The following DDX50 variants were observed in gnomAD, a reference collection of about 807,000 sequenced individuals.
DDX50 encodes the protein DExD-box helicase 50, also known as ATP-dependent RNA helicase DDX50.
Under a neutral mutation model 94.8 loss-of-function variants are expected in DDX50, and 56 were observed. The observed-to-expected ratio is 0.59, with a 90% CI of 0.48 to 0.74. DDX50 has a LOEUF of 0.74. Among genes scored for constraint, DDX50 ranks in the 30% least tolerant of loss-of-function variants. The probability of loss-of-function intolerance (pLI) is 0.00; values close to 1 mark genes in which losing one functional copy is unlikely to be tolerated. For missense variants in DDX50, 713 were observed against 881.2 expected, an observed-to-expected ratio of 0.81 and a Z score of 2.42; for synonymous variants, 264 against 295.4, an observed-to-expected ratio of 0.89 and a Z score of 1.09.
chr10:68,934,191 T>G lies in DDX50; in HGVS notation c.1240-8T>G, dbSNP rs1842346617. On this transcript the variant is annotated splice_polypyrimidine_tract_variant and splice_region_variant and intron_variant, in intron 8 of 14. Transcript: ENST00000373585. The surrounding 1 kb of genome is among the most constrained non-coding windows in gnomAD (Gnocchi z 4.0). The stretch of plus-strand genomic sequence containing the variant: ...GTACACTTAATTTTCTCCCCCTTTC[T>G]CAAATAGAATGCCCAGTGTTTACAT... The G allele has an allele frequency of 6.2e-7, 1 of 1,608,592 alleles. No individual in the cohort carries two copies.
At chr10:68,924,287 A>G (rs774909170) in intron 8 of DDX50, among the ~76,000 whole-genome samples, 6 of 151,002 alleles carry the variant, frequency 4.0e-5, no homozygotes, top group Non-Finnish European at 5.9e-5. Context: ...TTTTTTTTTT[A>G]AGAGACAGGG....
chr10:68,935,811 G>A (rs1358340602), intron 10 of DDX50, among the ~76,000 whole-genome samples, 195 bp from the exon 11 acceptor site: 1 of 151,858 alleles, frequency 6.6e-6, no homozygotes, highest in Non-Finnish European at 1.5e-5. Flanking sequence ...CTCCAGCCTG[G>A]GCAACAGAGC....
At position 68,930,114 on chromosome 10, in the gene DDX50, C is replaced by CTT. The variant is rs34023657; in HGVS notation, c.1240-4064_1240-4063dup. 6.3e-3 allele frequency among the ~76,000 whole-genome samples: 628 copies of CTT among 99,782 alleles called. 12 individuals are homozygous for CTT. The highest frequency in any genetic ancestry group is 0.021 in the South Asian group (64 of 2,998). 65.5% of individuals were successfully genotyped at this position (99,782 alleles called of 152,430 possible). On this transcript the variant is annotated intron_variant, in intron 8 of 14. Transcript: ENST00000373585. The stretch of plus-strand genomic sequence containing the variant: ...TTCCTTCCTTCCTTTCTTTCCTTTC[C>CTT]TTTTTTTTTTTTTTTTTTTTTTGAT...
intron 10 of DDX50, 89 bp from the exon 11 acceptor site, chr10:68,935,917 A>G (rs1842395869): frequency 1.2e-6 from 1 of 865,074 alleles, no homozygotes; most frequent in Non-Finnish European, 1.8e-6. Flanking sequence ...AATGCAAGAA[A>G]TAGAAATTCA....
chr10:68,928,593 A>T (rs1842151945), intron 8 of DDX50, among the ~76,000 whole-genome samples: 1 of 152,316 alleles, frequency 6.6e-6, no homozygotes, highest in African/African-American at 2.4e-5. Context: ...GTATAGGAAT[A>T]TAGAAGTATA....
At chr10:68,923,415 C>G (rs1286015372) in intron 8 of DDX50, among the ~76,000 whole-genome samples, 3 of 151,102 alleles carry the variant, frequency 2.0e-5, no homozygotes, top group East Asian at 3.9e-4. Context: ...TCTAAGTTGC[C>G]CAGGCTGCTC....
chr10:68,910,395 G>A lies in DDX50; in HGVS notation c.460+13G>A. On this transcript the variant is annotated intron_variant, in intron 3 of 14. Coordinates refer to ENST00000373585, the MANE Select transcript of DDX50 (RefSeq NM_024045.2). Reference sequence around the variant, plus strand: ...AAGCTTCTGAAAGGTATGCAGTTTGGTTGTTGTTGTTATTGTTGTTGTTTT... The same window carrying A: ...AAGCTTCTGAAAGGTATGCAGTTTGATTGTTGTTGTTATTGTTGTTGTTTT... The A allele has an allele frequency of 6.3e-7, 1 of 1,582,786 alleles. No individual in the cohort carries two copies. Among genetic ancestry groups the A allele is most frequent in the Non-Finnish European group, 8.6e-7 (1 of 1,168,056 alleles).
At chr10:68,931,939 C>G (rs1842285118) in intron 8 of DDX50, among the ~76,000 whole-genome samples, 1 of 152,132 alleles carries the variant, frequency 6.6e-6, no homozygotes. Flanking sequence ...CCAGGAACTC[C>G]CTAGCCTTCT....
rs1842340216 is a variant in DDX50, at chr10:68,934,057, T to A, written c.1240-142T>A. The A allele has an allele frequency of 1.3e-6, 1 of 741,760 alleles. No homozygotes were observed. The highest frequency in any genetic ancestry group is 3.7e-5 in the South Asian group (1 of 27,240). 45.9% of individuals were successfully genotyped at this position (741,760 alleles called of 1,614,324 possible). A position where few individuals can be genotyped will look rare whatever the true frequency, so the allele number is the denominator to read the frequency against. On this transcript the variant is annotated intron_variant, in intron 8 of 14. Transcript: ENST00000373585. The surrounding 1 kb of genome is among the most constrained non-coding windows in gnomAD (Gnocchi z 4.0). ...AATATTTTCTGTCATGTTTGACTTT[T>A]TTTTTTTACAGTAAGCATGCATTGT...
At chr10:68,909,017 G>C (rs1251886367) in intron 2 of DDX50, among the ~76,000 whole-genome samples, 1 of 151,604 alleles carries the variant, frequency 6.6e-6, no homozygotes, top group Admixed American at 6.6e-5. Flanking sequence ...ATAGAGACAA[G>C]GTCTCACTGT....
chr10:68,946,474 A>ATCAGGCCGG lies in DDX50; in HGVS notation c.2073_2081dup (p.Arg692_Gly694dup), dbSNP rs751847498. On this transcript the variant is annotated inframe_insertion, in exon 15 of 15. Coordinates refer to ENST00000373585, the MANE Select transcript of DDX50 (RefSeq NM_024045.2). The stretch of plus-strand genomic sequence containing the variant: ...AGAGGAGTGGCTGGTCAAGTGGTCG[A>ATCAGGCCGG]TCAGGCCGGTCAGGCCGGTCAGGTG... The ATCAGGCCGG allele has an allele frequency of 9.3e-6, 15 of 1,613,926 alleles. No individual in the cohort carries two copies. The highest frequency in any genetic ancestry group is 8.0e-5 in the African/African-American group (6 of 74,940).
chr10:68,907,052 T>C, intron 2 of DDX50, 45 bp downstream of exon 2: 1 of 1,536,934 alleles, frequency 6.5e-7, no homozygotes, highest in Non-Finnish European at 8.7e-7. Context: ...TGTTGAACTA[T>C]AGGTTGATTT....
chr10:68,922,192 C>CTT (rs921347110), intron 8 of DDX50, among the ~76,000 whole-genome samples: 2 of 151,040 alleles, frequency 1.3e-5, no homozygotes, highest in African/African-American at 4.9e-5. Context: ...AAATTTCTCT[C>CTT]TTTTTTTTTA....
intron 8 of DDX50, among the ~76,000 whole-genome samples, chr10:68,930,900 C>T (rs2132050528): frequency 6.6e-6 from 1 of 152,304 alleles, no homozygotes; most frequent in East Asian, 1.9e-4. Flanking sequence ...CCATCTCCCG[C>T]TTTGGCCTCC....
Position 68,925,038 on chromosome 10 carries a change from T to C in DDX50, c.1239+5057T>C, listed in dbSNP as rs190909549. Among the ~76,000 whole-genome samples the C allele has an allele frequency of 1.5e-4, 23 of 151,926 alleles. No individual in the cohort carries two copies. The East Asian group carries it at 2.5e-3, about 17-fold the overall frequency. ...AAGACTGGGTCCCTGAATCACCTGT[T>C]CTTAGGACTAGCAAATTCCCCCACG... On this transcript the variant is annotated intron_variant, in intron 8 of 14. Transcript: ENST00000373585.
chr10:68,916,294 C>T (rs1370278325), intron 7 of DDX50, among the ~76,000 whole-genome samples: 1 of 140,978 alleles, frequency 7.1e-6, no homozygotes. Context: ...GTGATAGTTG[C>T]GGTGAGCTGA....
At chr10:68,906,596 T>C (rs1392616235) in intron 1 of DDX50, 115 bp from the exon 2 acceptor site, 1 of 1,195,016 alleles carries the variant, frequency 8.4e-7, no homozygotes, top group East Asian at 2.4e-5. Flanking sequence ...CCAGGCAGGT[T>C]TTCAAAGTAA....
rs139388741 is a variant in DDX50 at position 68,911,239 on chromosome 10, C to T, written c.632C>T (p.Ser211Leu). The T allele has an allele frequency of 2.9e-4, 463 of 1,595,568 alleles. 2 individuals carry two copies. The highest frequency in any genetic ancestry group is 3.6e-4 in the Non-Finnish European group (424 of 1,174,620). Residue 211 changes from serine to leucine, a missense_variant, in exon 4 of 15, where the codon TCA becomes TTA. By Grantham distance (145) the Ser-to-Leu change is moderately radical. Around this residue, in one of 2 missense-constraint regions of DDX50, gnomAD observed 285 missense variants for 278.9 expected, o/e 1.02. Transcript: ENST00000373585. ...RNQETIKKSR[S>L]PKVLVLAPTR... ...CAAGAAACAATTAAAAAAAGCCGCT[C>T]ACCAAAGGTAATCGTTATAGGGGGT...
At chr10:68,914,304 T>C in intron 7 of DDX50, 100 bp downstream of exon 7, 1 of 1,281,834 alleles carries the variant, frequency 7.8e-7, no homozygotes, top group Non-Finnish European at 1.1e-6. Context: ...TCTTCATGCC[T>C]AATCTTCCTT....
Sources: allele counts gnomAD v4.1 joint callset (sites outside exome capture counted in the v4.1 genomes callset), GRCh38; gene constraint gnomAD v4.1.1; regional missense constraint gnomAD v4.1.1; non-coding constraint Gnocchi (gnomAD v3.1); transcripts MANE v1.5; gene names NCBI Gene and HGNC (gene_info 2026-07-23, HGNC 2026-07-21).